Variants in DOP1A observed in about 807,000 individuals in gnomAD.
DOP1A encodes the protein protein DOP1A.
DOP1A carries 90 observed loss-of-function variants against 267.6 expected under a neutral mutation model. The ratio of observed to expected loss-of-function variants is 0.34; its 90% CI spans 0.28 to 0.40. The LOEUF is 0.40. Among genes scored for constraint, DOP1A ranks in the 10% least tolerant of loss-of-function variants. DOP1A has a pLI of 1.00. For missense variants in DOP1A, 2,437 were observed against 2,900.4 expected, an observed-to-expected ratio of 0.84 and a Z score of 3.67; for synonymous variants, 932 against 999.1, an observed-to-expected ratio of 0.93 and a Z score of 1.27.
Position 83,129,419 on chromosome 6 carries a change from G to A in DOP1A, c.2252G>A (p.Cys751Tyr). The stretch of plus-strand genomic sequence containing the variant: ...TACCTGTCTGCCTTCCTTGCTGCCT[G>A]TCAGCTCTTCCTAGAGTGCTCAAGT... ...KEYLSAFLAA[C>Y]QLFLECSSFP... is the part of the protein sequence containing the mutation. The change falls in exon 16 of 39, where the codon TGT becomes TAT. Residue 751 changes from cysteine (C) to tyrosine (Y), a missense_variant. Physicochemically the swap from Cys to Tyr is radical, Grantham distance 194. Transcript: ENST00000349129. 6.2e-7 allele frequency: 1 copy of A among 1,610,550 alleles called. No homozygotes were observed.
In DOP1A at chr6:83,138,389, T is replaced by C; in HGVS notation, c.4347T>C (p.Ser1449=). The change falls in exon 21 of 39, where the codon AGT becomes AGC. Residue 1449 remains serine (S), a synonymous_variant. Transcript: ENST00000349129. The stretch of plus-strand genomic sequence containing the variant: ...TGGACTCAAATCATAACTTCCGGAG[T>C]TCTATGTACATAGAAATTCTTATTT... The part of the protein sequence containing the change: ...IPVDSNHNFR[S]SMYIEILISL... 1 of 1,610,662 alleles carries C rather than the reference T, an allele frequency of 6.2e-7. No homozygotes were observed. The highest frequency in any genetic ancestry group is 8.5e-7 in the Non-Finnish European group (1 of 1,179,826).
rs1562342786 is a variant in DOP1A at position 83,135,722 on chromosome 6, C to T, written c.2974C>T (p.Arg992Ter). 4 of 1,613,520 alleles carry T rather than the reference C, an allele frequency of 2.5e-6. No homozygotes were observed. Among genetic ancestry groups the T allele is most frequent in the Non-Finnish European group, 3.4e-6 (4 of 1,179,690 alleles). ...NQVLQRHDIA[R>*]VLEPLLLLLL... is the part of the protein sequence containing the mutation. ...AGTCCTACAAAGACATGATATTGCACGAGTTTTGGAACCATTGCTATTGCT... is the reference window on the plus strand; with the variant it reads ...AGTCCTACAAAGACATGATATTGCATGAGTTTTGGAACCATTGCTATTGCT... The change falls in exon 20 of 39, where the codon CGA becomes TGA. Residue 992 changes from arginine to a stop codon, truncating the protein, a stop_gained. Coordinates refer to ENST00000349129, the MANE Select transcript of DOP1A (RefSeq NM_015018.4). LOFTEE classifies it high-confidence loss of function.
At chr6:83,104,562 C>T (rs905738231) in intron 4 of DOP1A, among the ~76,000 whole-genome samples, 3 of 152,028 alleles carry the variant, frequency 2.0e-5, no homozygotes, top group African/African-American at 7.2e-5. Context: ...TGGAACAGTT[C>T]TCATAACATT....
chr6:83,068,251 G>A (rs1026656640), intron 1 of DOP1A, among the ~76,000 whole-genome samples: 5 of 152,330 alleles, frequency 3.3e-5, no homozygotes, highest in African/African-American at 1.2e-4. Context: ...GTAGGCCCGC[G>A]ATGGTTCATG....
chr6:83,128,876 A>T lies in DOP1A; in HGVS notation c.1720-11A>T. 1 of 1,512,978 alleles carries T rather than the reference A, an allele frequency of 6.6e-7. No individual in the cohort carries two copies. The highest frequency in any genetic ancestry group is 8.8e-7 in the Non-Finnish European group (1 of 1,132,614). The allele number at this position is 1,512,978 out of a possible 1,614,324, so 93.7% of individuals were successfully genotyped here. ...TACTCAGCCTTTTGTTTTCTTAAAA[A>T]TCTCTAACAGGTATCATCAGTTTCT... On this transcript the variant is annotated splice_polypyrimidine_tract_variant and intron_variant, in intron 15 of 38. Transcript: ENST00000349129.
intron 1 of DOP1A, among the ~76,000 whole-genome samples, chr6:83,093,496 A>G (rs1562285575): frequency 6.6e-6 from 1 of 151,968 alleles, no homozygotes; most frequent in East Asian, 1.9e-4. Flanking sequence ...TTAAAAAACT[A>G]TTGTTTGAGA....
chr6:83,085,730 G>A (rs1250410624), intron 1 of DOP1A, among the ~76,000 whole-genome samples: 4 of 152,152 alleles, frequency 2.6e-5, no homozygotes, highest in Non-Finnish European at 5.9e-5. Flanking sequence ...ACTAGAAGGT[G>A]ACCAGGACAA....
intron 20 of DOP1A, among the ~76,000 whole-genome samples, chr6:83,136,900 G>A (rs1778946496): frequency 6.6e-6 from 1 of 151,956 alleles, no homozygotes; most frequent in African/African-American, 2.4e-5. Flanking sequence ...ATTATTGTAT[G>A]CCCCCTAAAA....
At chr6:83,129,576 G>T (rs1224722762) in intron 16 of DOP1A, 68 bp downstream of exon 16, 7 of 1,352,538 alleles carry the variant, frequency 5.2e-6, no homozygotes, top group Admixed American at 5.6e-5. Context: ...TTTAAAAGAG[G>T]CACTCAAAAC....
At chr6:83,144,093 C>T (rs988774374) in intron 24 of DOP1A, among the ~76,000 whole-genome samples, 4 of 152,148 alleles carry the variant, frequency 2.6e-5, no homozygotes, top group Non-Finnish European at 4.4e-5. Flanking sequence ...TTCAGCTATG[C>T]AATGTCTCAA....
At chr6:83,116,179 A>C (rs1043963994) in intron 7 of DOP1A, among the ~76,000 whole-genome samples, 1 of 152,222 alleles carries the variant, frequency 6.6e-6, no homozygotes, top group Non-Finnish European at 1.5e-5. Context: ...TATTATACCA[A>C]AACTTCGAAG....
intron 1 of DOP1A, among the ~76,000 whole-genome samples, chr6:83,090,334 A>C (rs1209553354): frequency 3.9e-5 from 6 of 152,212 alleles, no homozygotes. Flanking sequence ...GCTAGGATTT[A>C]GATTTAGGTC....
chr6:83,158,511 C>T (rs564683329), intron 35 of DOP1A, 56 bp from the exon 36 acceptor site: 14 of 1,301,378 alleles, frequency 1.1e-5, no homozygotes, highest in Non-Finnish European at 1.4e-5. Context: ...TTAAAGATAA[C>T]TTGAAAGGAT....
chr6:83,140,437 A>G (rs1451768778), intron 23 of DOP1A, 34 bp downstream of exon 23: 2 of 1,515,190 alleles, frequency 1.3e-6, no homozygotes, highest in Non-Finnish European at 1.8e-6. Context: ...GTAGAGCTCA[A>G]GAGTCTGAGG....
At chr6:83,136,795 A>G (rs1356745813) in intron 20 of DOP1A, among the ~76,000 whole-genome samples, 2 of 152,052 alleles carry the variant, frequency 1.3e-5, no homozygotes, top group Non-Finnish European at 2.9e-5. Context: ...GACCTCATCA[A>G]TGGTATCATG....
chr6:83,150,035 A>T (rs894644639), intron 27 of DOP1A, among the ~76,000 whole-genome samples: 1 of 152,200 alleles, frequency 6.6e-6, no homozygotes, highest in East Asian at 1.9e-4. Context: ...GCAAATGCTT[A>T]GTGTGGGAAA....
intron 8 of DOP1A, 28 bp downstream of exon 8, chr6:83,119,015 T>C (rs371146281): frequency 7.5e-6 from 12 of 1,595,384 alleles, no homozygotes; most frequent in Non-Finnish European, 8.6e-6. Flanking sequence ...GTGGTCATGA[T>C]TGGGGAAAAA....
chr6:83,117,865 T>C (rs980218033), intron 7 of DOP1A, among the ~76,000 whole-genome samples: 1 of 152,210 alleles, frequency 6.6e-6, no homozygotes, highest in Non-Finnish European at 1.5e-5. Context: ...ACCTAATTCG[T>C]CAATTGTTGG....
chr6:83,099,004 G>T (rs969643366), intron 3 of DOP1A, among the ~76,000 whole-genome samples: 4 of 151,982 alleles, frequency 2.6e-5, no homozygotes, highest in African/African-American at 4.8e-5. Context: ...ATTTTGTTAC[G>T]GCCAGCTCCG....
Sources: gnomAD v4.1 joint callset for allele counts (sites outside exome capture counted in the v4.1 genomes callset) on GRCh38, gnomAD v4.1.1 for gene constraint, MANE v1.5 for transcripts, NCBI Gene and HGNC (gene_info 2026-07-23, HGNC 2026-07-21) for gene names.